The following NRG1 variants were observed in gnomAD, a reference collection of about 807,000 sequenced individuals.
NRG1 encodes the protein neuregulin 1.
In NRG1, 18 loss-of-function variants were observed where a neutral mutation model predicts 63.8. That is an observed-to-expected ratio of 0.28 (90% CI 0.19 to 0.42). The LOEUF is 0.42. Ranked by LOEUF, NRG1 falls within the 10% of genes least tolerant of loss-of-function variation. The probability of loss-of-function intolerance (pLI) is 1.00; values close to 1 mark genes in which losing one functional copy is unlikely to be tolerated. For missense variants in NRG1, 762 were observed against 814.7 expected (o/e 0.94, Z 0.79); for synonymous variants, 302 against 301.3 (o/e 1.00, Z -0.02).
chr8:32,408,625 C>T (rs1468510870), intron 1 of NRG1, among the ~76,000 whole-genome samples: 1 of 146,158 alleles, frequency 6.8e-6, no homozygotes, highest in African/African-American at 2.5e-5. Context: ...GGGGAAGATA[C>T]TTTAAGAAGG....
At position 31,668,363 on chromosome 8, in the gene NRG1, A is replaced by G. The variant is rs117956357; in HGVS notation, c.37+28932A>G. 7.3e-3 allele frequency among the ~76,000 whole-genome samples: 1,112 copies of G among 152,250 alleles called. 45 individuals are homozygous for G. The South Asian group carries it at 0.12, about 16-fold the overall frequency. ...GTGGAGGAATGCCCTAGTCACAGAA[A>G]CCCCTAAAGCAAACTGGCCTTTATA... On this transcript the variant is annotated intron_variant, in intron 1 of 10. Transcript: ENST00000519301.
chr8:31,976,853 C>G (rs1301324908), intron 1 of NRG1, among the ~76,000 whole-genome samples: 3 of 152,068 alleles, frequency 2.0e-5, no homozygotes, highest in African/African-American at 4.8e-5. Flanking sequence ...AGAAAAATTA[C>G]TGGAAATATA....
intron 1 of NRG1, among the ~76,000 whole-genome samples, chr8:32,340,969 A>C (rs1203414126): frequency 6.6e-6 from 1 of 152,198 alleles, no homozygotes; most frequent in African/African-American, 2.4e-5. Flanking sequence ...GCAAAGCTAC[A>C]ACATTGAGTG....
intron 1 of NRG1, among the ~76,000 whole-genome samples, chr8:31,760,633 T>C (rs201198842): frequency 1.3e-5 from 2 of 152,066 alleles, no homozygotes; most frequent in African/African-American, 4.8e-5. Context: ...CATCAAAAAG[T>C]GGGCAAAGGA....
At chr8:32,685,845 C>A (rs1809971857) in intron 5 of NRG1, among the ~76,000 whole-genome samples, 1 of 152,188 alleles carries the variant, frequency 6.6e-6, no homozygotes, top group Non-Finnish European at 1.5e-5. Context: ...AATGATCCCA[C>A]AGAAATGGAA....
chr8:32,756,626 G>A, intron 9 of NRG1, 97 bp downstream of exon 9: 1 of 1,442,712 alleles, frequency 6.9e-7, no homozygotes, highest in South Asian at 1.5e-5. Context: ...TTTAGCTGCT[G>A]CCATTAATCA....
At chr8:32,749,287 A>G (rs1035369211) in intron 7 of NRG1, 1 of 506,672 alleles carries the variant, frequency 2.0e-6, no homozygotes, top group East Asian at 3.4e-5. Context: ...TAGTTCAGCG[A>G]CAGAACTTCT....
chr8:32,235,056 G>T (rs1459817162), intron 1 of NRG1, among the ~76,000 whole-genome samples: 2 of 151,888 alleles, frequency 1.3e-5, no homozygotes, highest in Non-Finnish European at 2.9e-5. Context: ...CTCAAAGTCA[G>T]ACAAAGAAGG....
intron 1 of NRG1, among the ~76,000 whole-genome samples, chr8:32,406,212 C>T (rs1813953060): frequency 6.6e-6 from 1 of 152,162 alleles, no homozygotes; most frequent in African/African-American, 2.4e-5. Context: ...TAGTGTCTCT[C>T]ATAAGATTGG....
chr8:32,227,826 T>G (rs1269497423), intron 1 of NRG1, among the ~76,000 whole-genome samples: 4 of 152,076 alleles, frequency 2.6e-5, no homozygotes, highest in African/African-American at 9.7e-5. Context: ...CACCTCCAGA[T>G]GACAAAAAGA....
rs574467735 is a variant in NRG1, at chr8:32,143,033, C to T, written c.38-452795C>T. ...TTGTCATATCATTAAAGCCTCCAGA[C>T]GGAGGTTTCTTCCCATTATGTGATG... is the stretch of plus-strand genomic sequence containing the variant. On this transcript the variant is annotated intron_variant, in intron 1 of 10. Coordinates refer to the NRG1 transcript ENST00000519301. Among the ~76,000 whole-genome samples, 5 of 152,292 alleles carry T rather than the reference C, an allele frequency of 3.3e-5. No homozygotes were observed. In the South Asian group the frequency reaches 6.2e-4, roughly 19 times the overall value.
chr8:32,090,225 C>T (rs763166133), intron 1 of NRG1, among the ~76,000 whole-genome samples: 26 of 152,126 alleles, frequency 1.7e-4, no homozygotes, highest in Non-Finnish European at 2.6e-4. Context: ...CGTAAGTTAG[C>T]GCTCAGGAAA....
intron 1 of NRG1, among the ~76,000 whole-genome samples, chr8:32,208,955 C>G (rs1052264120): frequency 1.3e-5 from 2 of 152,070 alleles, no homozygotes; most frequent in African/African-American, 4.8e-5. Context: ...CATGCATAGC[C>G]TAATATATCA....
intron 1 of NRG1, among the ~76,000 whole-genome samples, chr8:31,643,461 C>T (rs1199982307): frequency 6.6e-6 from 1 of 152,178 alleles, no homozygotes; most frequent in Admixed American, 6.5e-5. Context: ...CTTGAAATTC[C>T]TTTTTCTCTT....
intron 1 of NRG1, among the ~76,000 whole-genome samples, chr8:32,280,926 A>G (rs1852731228): frequency 6.7e-6 from 1 of 149,366 alleles, no homozygotes; most frequent in Non-Finnish European, 1.5e-5. Context: ...TGCTCAGCTA[A>G]TTTTTTGTAT....
intron 1 of NRG1, among the ~76,000 whole-genome samples, chr8:32,515,457 T>C (rs1829727782): frequency 7.1e-6 from 1 of 141,116 alleles, no homozygotes; most frequent in African/African-American, 2.6e-5. Flanking sequence ...TTTGTTTTGT[T>C]TTGTTTTGAG....
At chr8:32,226,888 G>A (rs1024107961) in intron 1 of NRG1, among the ~76,000 whole-genome samples, 1 of 152,170 alleles carries the variant, frequency 6.6e-6, no homozygotes, top group African/African-American at 2.4e-5. Flanking sequence ...TCAGCTCACT[G>A]CTGATTTCTA....
chr8:32,231,471 G>A (rs1337704148), intron 1 of NRG1, among the ~76,000 whole-genome samples: 1 of 152,128 alleles, frequency 6.6e-6, no homozygotes, highest in African/African-American at 2.4e-5. Context: ...AAGGGAAATT[G>A]AATGTGATAT....
chr8:31,733,831 A>G (rs372245176), intron 1 of NRG1, among the ~76,000 whole-genome samples: 20 of 152,256 alleles, frequency 1.3e-4, no homozygotes, highest in African/African-American at 4.8e-4. Context: ...CAGCTTTCCA[A>G]ACAATGAGAG....
Sources: gnomAD v4.1 joint callset for allele counts (sites outside exome capture counted in the v4.1 genomes callset) on GRCh38, gnomAD v4.1.1 for gene constraint, MANE v1.5 for transcripts, NCBI Gene and HGNC (gene_info 2026-07-23, HGNC 2026-07-21) for gene names.